Variants in CNTNAP2 observed in about 807,000 individuals in gnomAD.
The protein encoded by CNTNAP2 is contactin-associated protein-like 2.
CNTNAP2 carries 98 observed loss-of-function variants against 155.2 expected under a neutral mutation model. The ratio of observed to expected loss-of-function variants is 0.63; its 90% CI spans 0.54 to 0.75. CNTNAP2 has a LOEUF of 0.75. CNTNAP2 is among the 30% of genes least tolerant of loss of function. The pLI is 0.00. For missense variants in CNTNAP2, 1,727 were observed against 1,688.1 expected (o/e 1.02, Z -0.40); for synonymous variants, 651 against 631.2 (o/e 1.03, Z -0.47).
chr7:146,398,286 G>A (rs1795663054), intron 1 of CNTNAP2, among the ~76,000 whole-genome samples: 1 of 150,454 alleles, frequency 6.6e-6, no homozygotes, highest in Non-Finnish European at 1.5e-5. Context: ...CTTCCACAGG[G>A]CTAGGAAGGA....
chr7:146,151,653 T>A (rs1287283151), intron 1 of CNTNAP2, among the ~76,000 whole-genome samples: 3 of 23,706 alleles, frequency 1.3e-4, no homozygotes, highest in Admixed American at 5.3e-4. Context: ...TATATATATA[T>A]ATATATATAT....
intron 1 of CNTNAP2, among the ~76,000 whole-genome samples, chr7:146,759,681 C>CAAAAAAAA (rs376817827): frequency 3.5e-4 from 19 of 54,648 alleles, no homozygotes; most frequent in African/African-American, 7.9e-4. Context: ...GTGAGACTGT[C>CAAAAAAAA]AAAAAAAAAA....
chr7:146,642,590 G>C (rs1799731206), intron 1 of CNTNAP2, among the ~76,000 whole-genome samples: 1 of 151,400 alleles, frequency 6.6e-6, no homozygotes, highest in Non-Finnish European at 1.5e-5. Flanking sequence ...CCAAGTCTTT[G>C]CTATTGTGAA....
intron 21 of CNTNAP2, among the ~76,000 whole-genome samples, chr7:148,281,805 G>C (rs1278451180): frequency 6.6e-6 from 1 of 151,490 alleles, no homozygotes; most frequent in South Asian, 2.1e-4. Context: ...ATGAAGCCAA[G>C]GTCACATAGC....
chr7:148,045,063 T>G (rs1258280231), intron 15 of CNTNAP2, among the ~76,000 whole-genome samples: 1 of 152,118 alleles, frequency 6.6e-6, no homozygotes, highest in Non-Finnish European at 1.5e-5. Flanking sequence ...GAGAGTTAGG[T>G]TCGCGTGTGT....
chr7:147,209,894 TTGTGTA>T (rs1210268962), intron 8 of CNTNAP2, among the ~76,000 whole-genome samples: 1 of 152,076 alleles, frequency 6.6e-6, no homozygotes, highest in Admixed American at 6.6e-5. Context: ...ATTTATCGAC[TTGTGTA>T]TGTTGAACCA....
chr7:146,618,007 C>A (rs1799254896), intron 1 of CNTNAP2, among the ~76,000 whole-genome samples: 1 of 151,550 alleles, frequency 6.6e-6, no homozygotes, highest in African/African-American at 2.4e-5. Flanking sequence ...TTGTATAATC[C>A]TTAGGGTTAA....
chr7:147,752,850 G>T (rs756164992), intron 13 of CNTNAP2, among the ~76,000 whole-genome samples: 1 of 152,126 alleles, frequency 6.6e-6, no homozygotes, highest in Non-Finnish European at 1.5e-5. Context: ...TGGTGTTTTT[G>T]TGTCATGGAA....
chr7:147,125,272 C>T (rs949756514), intron 6 of CNTNAP2, among the ~76,000 whole-genome samples: 1 of 152,086 alleles, frequency 6.6e-6, no homozygotes, highest in Non-Finnish European at 1.5e-5. Context: ...GCCTCAGCCT[C>T]CCAAAATGCT....
At chr7:146,928,719 G>A (rs1339041437) in intron 3 of CNTNAP2, among the ~76,000 whole-genome samples, 2 of 152,164 alleles carry the variant, frequency 1.3e-5, no homozygotes, top group Non-Finnish European at 2.9e-5. Context: ...TGGAAAATCG[G>A]GTCACTCCCA....
At chr7:148,097,108 T>A (rs998904133) in intron 15 of CNTNAP2, among the ~76,000 whole-genome samples, 1 of 152,034 alleles carries the variant, frequency 6.6e-6, no homozygotes, top group African/African-American at 2.4e-5. Flanking sequence ...GGGACAAACT[T>A]CAGTTCATAT....
intron 1 of CNTNAP2, among the ~76,000 whole-genome samples, chr7:146,300,517 C>T (rs535885689): frequency 8.5e-5 from 13 of 152,066 alleles, no homozygotes; most frequent in Middle Eastern, 3.4e-3. Flanking sequence ...AACAGCCAGA[C>T]TTAAGGGTAC....
chr7:146,710,085 G>A (rs1318201618), intron 1 of CNTNAP2, among the ~76,000 whole-genome samples: 1 of 152,178 alleles, frequency 6.6e-6, no homozygotes, highest in African/African-American at 2.4e-5. Context: ...AGGCAGAGAG[G>A]AACTGGCCAG....
chr7:146,240,630 G>C (rs1799545682), intron 1 of CNTNAP2, among the ~76,000 whole-genome samples: 1 of 151,766 alleles, frequency 6.6e-6, no homozygotes, highest in African/African-American at 2.4e-5. Flanking sequence ...AGTGACCTTA[G>C]GAGGTAGACA....
At chr7:148,310,825 T>C (rs116944541) in intron 21 of CNTNAP2, among the ~76,000 whole-genome samples, 2,957 of 151,932 alleles carry the variant, frequency 0.019, 28 homozygotes, top group Middle Eastern at 0.048. Flanking sequence ...CCGTCAGAGG[T>C]TGTAATGGGG....
At chr7:146,834,123 C>G (rs182622358) in intron 2 of CNTNAP2, among the ~76,000 whole-genome samples, 16 of 151,984 alleles carry the variant, frequency 1.1e-4, no homozygotes, top group Non-Finnish European at 1.6e-4. Flanking sequence ...AGAATCCAGG[C>G]ATATAGTCTC....
intron 17 of CNTNAP2, among the ~76,000 whole-genome samples, chr7:148,152,517 C>G (rs1041357373): frequency 1.3e-5 from 2 of 152,092 alleles, no homozygotes; most frequent in Non-Finnish European, 2.9e-5. Context: ...TCTATAAAAG[C>G]AACTGAGGAA....
chr7:146,426,402 TATATATAC>T (rs1454218701), intron 1 of CNTNAP2, among the ~76,000 whole-genome samples: 4,665 of 113,216 alleles, frequency 0.041, 267 homozygotes, highest in African/African-American at 0.16. Context: ...TATATATATA[TATATATAC>T]ACACACACAC....
chr7:147,091,377 G>A (rs1800399553), intron 4 of CNTNAP2, among the ~76,000 whole-genome samples: 1 of 152,026 alleles, frequency 6.6e-6, no homozygotes, highest in African/African-American at 2.4e-5. Context: ...CATGCTCTTT[G>A]TCGTGCCAAC....
Sources: gnomAD v4.1 joint callset for allele counts (sites outside exome capture counted in the v4.1 genomes callset) on GRCh38, gnomAD v4.1.1 for gene constraint, MANE v1.5 for transcripts, NCBI Gene and HGNC (gene_info 2026-07-23, HGNC 2026-07-21) for gene names.